The following CTNNA3 variants were observed in gnomAD, a reference collection of about 807,000 sequenced individuals.
CTNNA3 encodes the protein catenin alpha-3.
CTNNA3 carries 76 observed loss-of-function variants against 95.7 expected under a neutral mutation model. The ratio of observed to expected loss-of-function variants is 0.79; its 90% CI spans 0.66 to 0.96. The LOEUF (loss-of-function observed/expected upper bound fraction) is 0.96. Among genes scored for constraint, CTNNA3 ranks in the 40% least tolerant of loss-of-function variants. The pLI, the probability that CTNNA3 is intolerant of heterozygous loss-of-function variation, is 0.00. For synonymous variants in CTNNA3, 431 were observed against 374.4 expected, an observed-to-expected ratio of 1.15 and a Z score of -1.74; for missense variants, 1,191 against 1,089.8, an observed-to-expected ratio of 1.09 and a Z score of -1.31.
chr10:66,765,203 C>T (rs186008497), intron 9 of CTNNA3, among the ~76,000 whole-genome samples: 135 of 152,250 alleles, frequency 8.9e-4, no homozygotes, highest in African/African-American at 3.1e-3. Context: ...TGGAAACCTC[C>T]TCCCCGTGGA....
At chr10:66,199,791 ATATATATATATATATTTTTTT>A (rs2087237310) in intron 13 of CTNNA3, among the ~76,000 whole-genome samples, 2 of 12,340 alleles carry the variant, frequency 1.6e-4, no homozygotes, top group East Asian at 2.8e-3. Flanking sequence ...ATATATATAT[ATATATATATATATATTTTTTT>A]TTTTTTTTTT....
chr10:66,497,555 G>A (rs1840139141), intron 11 of CTNNA3, among the ~76,000 whole-genome samples: 1 of 151,984 alleles, frequency 6.6e-6, no homozygotes, highest in African/African-American at 2.4e-5. Context: ...ACCATATTGA[G>A]ATAACTGTAG....
chr10:67,304,190 C>G (rs1409155449), intron 5 of CTNNA3, among the ~76,000 whole-genome samples: 1 of 152,090 alleles, frequency 6.6e-6, no homozygotes, highest in Non-Finnish European at 1.5e-5. Context: ...TTCACCGTGC[C>G]CCTATCTCCA....
At chr10:66,731,062 C>G (rs976560465) in intron 9 of CTNNA3, among the ~76,000 whole-genome samples, 5 of 152,108 alleles carry the variant, frequency 3.3e-5, no homozygotes, top group African/African-American at 4.8e-5. Flanking sequence ...GCCAAATACA[C>G]AATAAATTGT....
At chr10:67,537,422 T>C (rs1840520979) in intron 4 of CTNNA3, among the ~76,000 whole-genome samples, 1 of 152,160 alleles carries the variant, frequency 6.6e-6, no homozygotes, top group Non-Finnish European at 1.5e-5. Context: ...CAGCACAGTG[T>C]TTGGCACATT....
intron 5 of CTNNA3, among the ~76,000 whole-genome samples, chr10:67,371,858 G>T (rs560764035): frequency 1.3e-5 from 2 of 152,312 alleles, no homozygotes; most frequent in Admixed American, 6.5e-5. Context: ...GTATAAAAGT[G>T]TTCCTATTTC....
intron 3 of CTNNA3, among the ~76,000 whole-genome samples, chr10:67,558,982 G>A (rs184278852): frequency 0.021 from 3,164 of 152,248 alleles, 136 homozygotes; most frequent in African/African-American, 0.071. Context: ...CAAAGCAGCC[G>A]GGAAGCTCGA....
chr10:66,816,447 T>C (rs1440943041), intron 7 of CTNNA3, among the ~76,000 whole-genome samples: 2 of 152,068 alleles, frequency 1.3e-5, no homozygotes, highest in African/African-American at 2.4e-5. Flanking sequence ...AAGAGACATA[T>C]ACATTCAAAG....
intron 15 of CTNNA3, among the ~76,000 whole-genome samples, chr10:66,040,348 T>A (rs925970393): frequency 6.6e-6 from 1 of 152,052 alleles, no homozygotes; most frequent in African/African-American, 2.4e-5. Flanking sequence ...AGGAGAACTG[T>A]CATTCAACTC....
chr10:67,692,056 C>T (rs1272553466), intron 1 of CTNNA3, among the ~76,000 whole-genome samples: 94 of 141,304 alleles, frequency 6.7e-4, no homozygotes, highest in African/African-American at 2.2e-3. Flanking sequence ...CCGCCCCGTC[C>T]GGGAGGGAGG....
chr10:67,617,539 T>C (rs1843693016), intron 2 of CTNNA3, among the ~76,000 whole-genome samples: 1 of 152,192 alleles, frequency 6.6e-6, no homozygotes, highest in Non-Finnish European at 1.5e-5. Flanking sequence ...ATGACTTTGC[T>C]ATTGTGAATT....
intron 11 of CTNNA3, among the ~76,000 whole-genome samples, chr10:66,402,823 T>C (rs2456747): frequency 0.37 from 55,809 of 152,016 alleles, 12,498 homozygotes; most frequent in African/African-American, 0.62. Flanking sequence ...TTCAGAAACT[T>C]GGACCCCCAC....
chr10:66,532,938 C>A (rs567876620), intron 10 of CTNNA3, among the ~76,000 whole-genome samples: 1 of 152,106 alleles, frequency 6.6e-6, no homozygotes, highest in South Asian at 2.1e-4. Context: ...TATCCTTGAC[C>A]TAGTATTTTG....
At chr10:67,503,490 T>A (rs1364406827) in intron 5 of CTNNA3, among the ~76,000 whole-genome samples, 2 of 152,222 alleles carry the variant, frequency 1.3e-5, no homozygotes, top group Non-Finnish European at 2.9e-5. Context: ...TTTCGTTTAA[T>A]GGTTTTCACA....
intron 13 of CTNNA3, among the ~76,000 whole-genome samples, chr10:66,193,712 C>A (rs142337410): frequency 9.5e-4 from 145 of 152,162 alleles, no homozygotes; most frequent in Middle Eastern, 6.8e-3. Context: ...TGTTGCTTGG[C>A]TTTATTTCAT....
intron 17 of CTNNA3, among the ~76,000 whole-genome samples, chr10:65,940,424 C>T (rs1236053277): frequency 2.6e-5 from 4 of 152,106 alleles, no homozygotes; most frequent in Non-Finnish European, 5.9e-5. Flanking sequence ...AAACATATCA[C>T]TTTATTATGT....
chr10:66,972,787 T>C (rs1036199600), intron 7 of CTNNA3, among the ~76,000 whole-genome samples: 1 of 147,776 alleles, frequency 6.8e-6, no homozygotes, highest in Non-Finnish European at 1.5e-5. Context: ...CTCGGCTCAC[T>C]GCAACCTCCA....
chr10:66,069,519 C>A (rs768260392), intron 14 of CTNNA3, 30 bp from the exon 15 acceptor site: 3 of 1,538,534 alleles, frequency 1.9e-6, no homozygotes, highest in South Asian at 2.4e-5. Context: ...GAGTTAAAAT[C>A]ATTCCACTAT....
At chr10:66,416,887 A>G (rs2093150825) in intron 11 of CTNNA3, among the ~76,000 whole-genome samples, 1 of 152,072 alleles carries the variant, frequency 6.6e-6, no homozygotes, top group South Asian at 2.1e-4. Context: ...TGAAGCAAAC[A>G]TACAAATGTG....
Sources: allele counts gnomAD v4.1 joint callset (sites outside exome capture counted in the v4.1 genomes callset), GRCh38; gene constraint gnomAD v4.1.1; transcripts MANE v1.5; gene names NCBI Gene and HGNC (gene_info 2026-07-23, HGNC 2026-07-21).